TENM2: variants seen among roughly 807,000 people sequenced by gnomAD.
TENM2 encodes the protein teneurin-2.
TENM2 carries 52 observed loss-of-function variants against 245.2 expected under a neutral mutation model. The observed-to-expected ratio is 0.21, with a 90% CI of 0.17 to 0.27. The LOEUF (loss-of-function observed/expected upper bound fraction) is 0.27, where lower values mean the gene tolerates loss of function less well. Among genes scored for constraint, TENM2 ranks in the 10% least tolerant of loss-of-function variants. The probability of loss-of-function intolerance (pLI) is 1.00; values close to 1 mark genes in which losing one functional copy is unlikely to be tolerated. For missense variants in TENM2, 3,046 were observed against 3,666.8 expected, an observed-to-expected ratio of 0.83 and a Z score of 4.37; for synonymous variants, 1,363 against 1,438.9, an observed-to-expected ratio of 0.95 and a Z score of 1.19.
chr5:167,818,635 A>G (rs1032758707), intron 2 of TENM2, among the ~76,000 whole-genome samples: 1 of 152,154 alleles, frequency 6.6e-6, no homozygotes, highest in Non-Finnish European at 1.5e-5. Flanking sequence ...CACAGCACTC[A>G]GGGCAGTGAG....
chr5:167,272,494 A>T, the TENM2 span, among the ~76,000 whole-genome samples: 4 of 152,212 alleles, frequency 2.6e-5, no homozygotes, highest in Non-Finnish European at 1.5e-5. Context: ...TGTATTTTTG[A>T]CTATAAACAT....
the TENM2 span, among the ~76,000 whole-genome samples, chr5:167,103,656 A>G: frequency 1.3e-5 from 2 of 152,094 alleles, no homozygotes; most frequent in African/African-American, 2.4e-5. Flanking sequence ...GTGCTTTTAT[A>G]TTACTTCTGC....
At chr5:167,097,120 C>T in the TENM2 span, among the ~76,000 whole-genome samples, 2 of 152,126 alleles carry the variant, frequency 1.3e-5, no homozygotes, top group South Asian at 2.1e-4. Context: ...GAGTCAAACG[C>T]TCAAGGCATT....
In TENM2 at chr5:167,734,474, T is replaced by TATAATATATGCAATATATTATATATAA. The variant is rs1561718748; in HGVS notation, c.503-141502_503-141476dup. On this transcript the variant is annotated intron_variant, in intron 2 of 28. Transcript: ENST00000518659. The stretch of plus-strand genomic sequence containing the variant: ...ACTATATTAATTAGATATAATCATA[T>TATAATATATGCAATATATTATATATAA]ATAATATATGCAATATATTATATAT... Among the ~76,000 whole-genome samples, 8 of 148,430 alleles carry TATAATATATGCAATATATTATATATAA rather than the reference T, an allele frequency of 5.4e-5. 1 individual carries two copies. Among genetic ancestry groups the TATAATATATGCAATATATTATATATAA allele is most frequent in the African/African-American group, 1.5e-4 (6 of 40,936 alleles).
At position 167,331,850 on chromosome 5, in the gene TENM2, A is replaced by G. The variant is rs185855316; in HGVS notation, c.227-43348A>G. Among the ~76,000 whole-genome samples, 24 of 152,076 alleles carry G rather than the reference A, an allele frequency of 1.6e-4. 1 individual carries two copies. In the South Asian group the frequency reaches 3.9e-3, roughly 25 times the overall value. On this transcript the variant is annotated intron_variant, in intron 1 of 28. Transcript: ENST00000518659. ...GTGGAAAACAACTCTGAGTGCATTT[A>G]CTCCTCCTTTTGTGTAGCCTATCAC...
At chr5:167,920,026 T>C (rs1327453424) in intron 3 of TENM2, among the ~76,000 whole-genome samples, 6 of 152,146 alleles carry the variant, frequency 3.9e-5, no homozygotes, top group African/African-American at 1.4e-4. Context: ...AGGATTGTTC[T>C]GGGATGAGTC....
At chr5:166,983,373 G>T in the TENM2 span, among the ~76,000 whole-genome samples, 1 of 152,042 alleles carries the variant, frequency 6.6e-6, no homozygotes, top group Non-Finnish European at 1.5e-5. Flanking sequence ...CGTTTTTACT[G>T]CCAGACTTTC....
At chr5:167,376,280 A>G (rs1760744481) in intron 2 of TENM2, among the ~76,000 whole-genome samples, 2 of 152,364 alleles carry the variant, frequency 1.3e-5, no homozygotes, top group African/African-American at 4.8e-5. Context: ...GCATTAGGTT[A>G]CAGCTGATTT....
intron 5 of TENM2, among the ~76,000 whole-genome samples, chr5:168,001,324 T>G (rs1784407675): frequency 6.6e-6 from 1 of 152,206 alleles, no homozygotes; most frequent in African/African-American, 2.4e-5. Flanking sequence ...GAGAACTGAC[T>G]GAGAGAAACT....
chr5:167,474,055 C>T (rs1375547688), intron 2 of TENM2, among the ~76,000 whole-genome samples: 3 of 152,042 alleles, frequency 2.0e-5, no homozygotes, highest in Non-Finnish European at 4.4e-5. Context: ...TCTAATCTAA[C>T]CTAAAAATAA....
chr5:167,047,367 T>G, the TENM2 span, among the ~76,000 whole-genome samples: 78 of 152,008 alleles, frequency 5.1e-4, no homozygotes, highest in Non-Finnish European at 9.7e-4. Context: ...ACCTCTGGTA[T>G]GTCCTAGAGA....
intron 2 of TENM2, among the ~76,000 whole-genome samples, chr5:167,717,899 T>C (rs968900888): frequency 6.6e-6 from 1 of 152,240 alleles, no homozygotes; most frequent in Non-Finnish European, 1.5e-5. Flanking sequence ...CACAGTGTAC[T>C]TCCTGTTGGA....
intron 3 of TENM2, among the ~76,000 whole-genome samples, chr5:167,879,394 C>A (rs566890089): frequency 3.7e-4 from 56 of 152,248 alleles, no homozygotes; most frequent in African/African-American, 1.3e-3. Context: ...CAGCGAGTGG[C>A]TCATTCTGTG....
intron 3 of TENM2, among the ~76,000 whole-genome samples, chr5:167,928,709 C>A: frequency 6.6e-6 from 1 of 151,348 alleles, no homozygotes; most frequent in Non-Finnish European, 1.5e-5. Flanking sequence ...GCCTGGCAAA[C>A]GTGGTGAAAC....
chr5:167,023,859 C>G, the TENM2 span, among the ~76,000 whole-genome samples: 2 of 152,088 alleles, frequency 1.3e-5, no homozygotes, highest in Non-Finnish European at 2.9e-5. Flanking sequence ...TACTGTTGGA[C>G]GGAAAACCCA....
chr5:167,662,099 G>A (rs1755250048), intron 2 of TENM2, among the ~76,000 whole-genome samples: 1 of 152,186 alleles, frequency 6.6e-6, no homozygotes, highest in African/African-American at 2.4e-5. Flanking sequence ...TTCCGCAAAG[G>A]AAATTAAGGT....
chr5:168,236,271 C>T (rs1765418723), intron 25 of TENM2, among the ~76,000 whole-genome samples: 1 of 152,158 alleles, frequency 6.6e-6, no homozygotes, highest in East Asian at 1.9e-4. Flanking sequence ...ACAAATATAG[C>T]TTATTCCGGT....
chr5:167,034,027 T>C, the TENM2 span, among the ~76,000 whole-genome samples: 1 of 152,304 alleles, frequency 6.6e-6, no homozygotes, highest in African/African-American at 2.4e-5. Context: ...AAGAAAATCT[T>C]TTGGATGAAA....
upstream of TENM2, among the ~76,000 whole-genome samples, chr5:167,280,511 GA>G (rs1454431283): frequency 6.6e-6 from 1 of 152,134 alleles, no homozygotes; most frequent in Non-Finnish European, 1.5e-5. Flanking sequence ...CATTTTCATG[GA>G]AGGGCAAGCT....
Sources: allele counts gnomAD v4.1 joint callset (sites outside exome capture counted in the v4.1 genomes callset), GRCh38; gene constraint gnomAD v4.1.1; transcripts MANE v1.5; gene names NCBI Gene and HGNC (gene_info 2026-07-23, HGNC 2026-07-21).